The following GLI2 variants were observed in gnomAD, a reference collection of about 807,000 sequenced individuals.
GLI2 encodes GLI family zinc finger 2, also known as transcription activator GLI2.
Under a neutral mutation model 78.9 loss-of-function variants are expected in GLI2, and 22 were observed. That is an observed-to-expected ratio of 0.28 (90% CI 0.20 to 0.40). GLI2 has a LOEUF of 0.40. GLI2 is among the 10% of genes least tolerant of loss of function. The pLI, the probability that GLI2 is intolerant of heterozygous loss-of-function variation, is 1.00. For synonymous variants in GLI2, 974 were observed against 963.7 expected (o/e 1.01, Z -0.20); for missense variants, 2,097 against 2,213.2 (o/e 0.95, Z 1.05).
intron 2 of GLI2, among the ~76,000 whole-genome samples, chr2:120,819,833 C>T (rs892923062): frequency 2.6e-5 from 4 of 152,126 alleles, no homozygotes; most frequent in African/African-American, 9.7e-5. Flanking sequence ...AGTGTGGTAA[C>T]GACTCCAAGA....
chr2:120,895,833 C>A (rs1677916214), intron 2 of GLI2, among the ~76,000 whole-genome samples: 1 of 152,246 alleles, frequency 6.6e-6, no homozygotes, highest in South Asian at 2.1e-4. Context: ...CTTGTAATCC[C>A]TTCCTTGCCT....
At chr2:120,747,599 T>C (rs918313094) in intron 1 of GLI2, among the ~76,000 whole-genome samples, 20 of 152,212 alleles carry the variant, frequency 1.3e-4, no homozygotes, top group African/African-American at 2.9e-4. Flanking sequence ...GGGAATGCTA[T>C]TGGTATTTAG....
chr2:120,975,123 C>G lies in GLI2; in HGVS notation c.1317+14C>G, dbSNP rs1682390814. The G allele has an allele frequency of 6.2e-7, 1 of 1,613,086 alleles. No individual in the cohort carries two copies. Among genetic ancestry groups the G allele is most frequent in the East Asian group, 2.2e-5 (1 of 44,880 alleles). On this transcript the variant is annotated intron_variant, in intron 9 of 13. Transcript: ENST00000361492. Reference sequence around the variant, plus strand: ...CAGCTGGTGCATGTAAGCTTTTGAACCCCAGCAGCCCGCCAACCGGGGCAC... The same window carrying G: ...CAGCTGGTGCATGTAAGCTTTTGAAGCCCAGCAGCCCGCCAACCGGGGCAC...
intron 1 of GLI2, among the ~76,000 whole-genome samples, chr2:120,791,614 T>A (rs1684160633): frequency 6.6e-6 from 1 of 152,224 alleles, no homozygotes; most frequent in Non-Finnish European, 1.5e-5. Context: ...TTATCTCTCA[T>A]GTATGTGCAT....
chr2:120,847,702 G>C (rs1480407065), intron 2 of GLI2, among the ~76,000 whole-genome samples: 3 of 151,060 alleles, frequency 2.0e-5, no homozygotes, highest in East Asian at 1.9e-4. Flanking sequence ...GCCTCCCAGA[G>C]TGAGCTGGGA....
intron 2 of GLI2, among the ~76,000 whole-genome samples, chr2:120,894,788 T>C (rs555219875): frequency 1.3e-5 from 2 of 152,240 alleles, no homozygotes; most frequent in South Asian, 4.1e-4. Context: ...AACCTCTGCC[T>C]TCTGGTTTCA....
At chr2:120,932,012 G>A (rs887602852) in intron 3 of GLI2, among the ~76,000 whole-genome samples, 1 of 152,170 alleles carries the variant, frequency 6.6e-6, no homozygotes, top group African/African-American at 2.4e-5. Flanking sequence ...CTGGCCCTGG[G>A]CTCTGGAAAG....
At chr2:120,839,658 G>C (rs1686776404) in intron 2 of GLI2, among the ~76,000 whole-genome samples, 1 of 152,172 alleles carries the variant, frequency 6.6e-6, no homozygotes, top group South Asian at 2.1e-4. Flanking sequence ...CGCCTCCCAG[G>C]TTCAAGAGAT....
intron 1 of GLI2, among the ~76,000 whole-genome samples, chr2:120,742,030 C>T (rs768863789): frequency 6.6e-6 from 1 of 152,248 alleles, no homozygotes; most frequent in Non-Finnish European, 1.5e-5. Context: ...CTCTTGCCCG[C>T]TTCCCCAGGA....
chr2:120,839,594 C>T (rs1404568702), intron 2 of GLI2, among the ~76,000 whole-genome samples: 1 of 152,192 alleles, frequency 6.6e-6, no homozygotes, highest in Non-Finnish European at 1.5e-5. Context: ...TGGAGTCTCA[C>T]TCTTGTCACT....
At chr2:120,922,936 G>T (rs1278026874) in intron 2 of GLI2, among the ~76,000 whole-genome samples, 1 of 152,126 alleles carries the variant, frequency 6.6e-6, no homozygotes, top group Non-Finnish European at 1.5e-5. Context: ...CCCAGGAGCT[G>T]CCAGACAACA....
At chr2:120,872,066 G>A (rs761589911) in intron 2 of GLI2, among the ~76,000 whole-genome samples, 14 of 152,222 alleles carry the variant, frequency 9.2e-5, no homozygotes, top group Non-Finnish European at 1.9e-4. Context: ...CTGGAAGGGA[G>A]CACAAAGTTT....
At chr2:120,750,600 G>A (rs1175975099) in intron 1 of GLI2, among the ~76,000 whole-genome samples, 2 of 152,208 alleles carry the variant, frequency 1.3e-5, no homozygotes, top group East Asian at 3.8e-4. Flanking sequence ...TATTAAAAAG[G>A]CAGTCTGTGT....
chr2:120,876,548 C>T (rs990520166), intron 2 of GLI2, among the ~76,000 whole-genome samples: 4 of 152,006 alleles, frequency 2.6e-5, no homozygotes, highest in Non-Finnish European at 5.9e-5. Flanking sequence ...TCACTTAATA[C>T]AGTTTAAAAT....
At chr2:120,970,253 G>C in intron 6 of GLI2, 140 bp from the exon 7 acceptor site, 3 of 636,150 alleles carry the variant, frequency 4.7e-6, no homozygotes, top group Non-Finnish European at 8.6e-6. Flanking sequence ...TGGTTCTTGA[G>C]TGAGGAAGCC....
At chr2:120,871,561 C>T (rs1688433005) in intron 2 of GLI2, among the ~76,000 whole-genome samples, 1 of 152,218 alleles carries the variant, frequency 6.6e-6, no homozygotes, top group African/African-American at 2.4e-5. Context: ...GGGTGCTAAT[C>T]ATGGGCTGAT....
Position 120,990,282 on chromosome 2 carries a change from G to A in GLI2, c.4317G>A (p.Gln1439=), listed in dbSNP as rs1342385080. ...YYYGQIHMYE[Q]DGGLENLGSC... Reference sequence around the variant, plus strand: ...ACGGCCAGATCCACATGTACGAACAGGATGGAGGCCTGGAGAACCTCGGGA... The same window carrying A: ...ACGGCCAGATCCACATGTACGAACAAGATGGAGGCCTGGAGAACCTCGGGA... The change falls in exon 14 of 14, where the codon CAG becomes CAA. Residue 1439 remains glutamine, a synonymous_variant. Coordinates refer to ENST00000361492, the MANE Select transcript of GLI2 (RefSeq NM_001374353.1). The A allele has an allele frequency of 2.5e-6, 4 of 1,613,638 alleles. No homozygotes were observed. The highest frequency in any genetic ancestry group is 8.5e-7 in the Non-Finnish European group (1 of 1,180,030).
At position 120,983,730 on chromosome 2, in the gene GLI2, G is replaced by C. The variant is rs191092760; in HGVS notation, c.1633-741G>C. Among the ~76,000 whole-genome samples the C allele has an allele frequency of 1.2e-4, 19 of 152,346 alleles. No homozygotes were observed. In the East Asian group the frequency reaches 3.7e-3, roughly 29 times the overall value. On this transcript the variant is annotated intron_variant, in intron 11 of 13. Coordinates refer to ENST00000361492, the MANE Select transcript of GLI2 (RefSeq NM_001374353.1). ...CCAGCCACACAATTACTGTCGCTCA[G>C]GCTTACTCGGAAATGTATGTTTTTA...
chr2:120,909,770 C>T (rs1168043655), intron 2 of GLI2, among the ~76,000 whole-genome samples: 1 of 152,160 alleles, frequency 6.6e-6, no homozygotes, highest in Non-Finnish European at 1.5e-5. Context: ...GAGGCTGAGG[C>T]AGGAGAATGG....
Sources: allele counts gnomAD v4.1 joint callset (sites outside exome capture counted in the v4.1 genomes callset), GRCh38; gene constraint gnomAD v4.1.1; transcripts MANE v1.5; gene names NCBI Gene and HGNC (gene_info 2026-07-23, HGNC 2026-07-21).